SORT1: variants seen among roughly 807,000 people sequenced by gnomAD.
SORT1 encodes sortilin.
A neutral mutation model predicts 101.7 loss-of-function variants in SORT1; 39 were observed. The ratio of observed to expected loss-of-function variants is 0.38; its 90% CI spans 0.30 to 0.50. The LOEUF (loss-of-function observed/expected upper bound fraction) is 0.50, where lower values mean the gene tolerates loss of function less well. Ranked by LOEUF, SORT1 falls within the 20% of genes least tolerant of loss-of-function variation. The probability of loss-of-function intolerance (pLI) is 0.90; values close to 1 mark genes in which losing one functional copy is unlikely to be tolerated. For missense variants in SORT1, 878 were observed against 1,040.4 expected, an observed-to-expected ratio of 0.84 and a Z score of 2.15; for synonymous variants, 396 against 393.7, an observed-to-expected ratio of 1.01 and a Z score of -0.07.
chr1:109,395,483 A>G (rs566628462), intron 1 of SORT1, among the ~76,000 whole-genome samples: 2 of 152,182 alleles, frequency 1.3e-5, no homozygotes, highest in South Asian at 4.2e-4. Flanking sequence ...GGCCTCCCAC[A>G]TTGATAAGAT....
At chr1:109,342,671 TTCTC>T (rs1438865567) in intron 8 of SORT1, among the ~76,000 whole-genome samples, 1 of 152,156 alleles carries the variant, frequency 6.6e-6, no homozygotes, top group Non-Finnish European at 1.5e-5. Context: ...GTAACACGCC[TTCTC>T]TCTAAGGAAG....
Position 109,367,414 on chromosome 1 carries a change from T to C in SORT1, c.434A>G (p.Tyr145Cys). 1 of 1,580,438 alleles carries C rather than the reference T, an allele frequency of 6.3e-7. No individual in the cohort carries two copies. Among genetic ancestry groups the C allele is most frequent in the Non-Finnish European group, 8.7e-7 (1 of 1,152,262 alleles). ...VIMTFGQSKL[Y>C]RSEDYGKNFK... ...CGCGTGTTATTGATCTCACCTTCGA[T>C]ATAGCTTGGACTGTCCAAAAGTCAT... The change falls in exon 3 of 20, where the codon TAT (tyrosine) becomes TGT (cysteine). Residue 145 changes from tyrosine (Y) to cysteine (C), a missense_variant. Tyr to Cys is a radical substitution (Grantham distance 194). Transcript: ENST00000256637.
At chr1:109,358,480 C>T (rs1254878856) in intron 3 of SORT1, among the ~76,000 whole-genome samples, 1 of 152,092 alleles carries the variant, frequency 6.6e-6, no homozygotes, top group Non-Finnish European at 1.5e-5. Context: ...TTTCAAATTC[C>T]ATATGATAAT....
At chr1:109,347,625 A>G (rs1251204421) in intron 6 of SORT1, 93 bp from the exon 7 acceptor site, 2 of 853,494 alleles carry the variant, frequency 2.3e-6, no homozygotes, top group Non-Finnish European at 3.9e-6. Flanking sequence ...AGGTCTAACA[A>G]GCTTCATTCA....
chr1:109,317,023 T>C, intron 16 of SORT1, 65 bp from the exon 17 acceptor site: 1 of 1,056,818 alleles, frequency 9.5e-7, no homozygotes, highest in East Asian at 2.5e-5. Flanking sequence ...TGCCTATTTC[T>C]TGGAAACAAG....
In SORT1 at chr1:109,316,922, C is replaced by A. The variant is rs1647258489; in HGVS notation, c.2178G>T (p.Gly726=). Residue 726 remains glycine, a synonymous_variant, in exon 17 of 20, where the codon GGG becomes GGT. Transcript: ENST00000256637. The part of the protein sequence containing the change: ...RKIPGDKCQG[G]VNPVREVKDL... ...CTTTTACTTCTCGAACTGGATTTAC[C>A]CCACCCTGGCATTTGTCCCCTGGAA... 1 of 1,610,248 alleles carries A rather than the reference C, an allele frequency of 6.2e-7. No individual in the cohort carries two copies.
chr1:109,361,469 C>T (rs1650716696), intron 3 of SORT1, among the ~76,000 whole-genome samples: 1 of 152,206 alleles, frequency 6.6e-6, no homozygotes, highest in Non-Finnish European at 1.5e-5. Flanking sequence ...TTTTTCTCTA[C>T]AGCCCTCCTC....
At chr1:109,349,032 A>G (rs933305711) in intron 6 of SORT1, among the ~76,000 whole-genome samples, 3 of 152,188 alleles carry the variant, frequency 2.0e-5, no homozygotes, top group Admixed American at 6.5e-5. Context: ...GGAGTGAAAC[A>G]ATTTAACTTA....
chr1:109,326,112 G>A (rs1198234621), intron 13 of SORT1, among the ~76,000 whole-genome samples: 1 of 149,054 alleles, frequency 6.7e-6, no homozygotes, highest in East Asian at 2.0e-4. Context: ...GAGTGCAGTG[G>A]TACGATCTCA....
intron 11 of SORT1, among the ~76,000 whole-genome samples, chr1:109,331,095 G>A (rs1648427590): frequency 6.6e-6 from 1 of 152,108 alleles, no homozygotes; most frequent in Admixed American, 6.5e-5. Flanking sequence ...TGAAGAGAAT[G>A]GAACACTTCC....
chr1:109,314,881 C>T (rs1215883253), intron 17 of SORT1, 103 bp from the exon 18 acceptor site: 27 of 648,920 alleles, frequency 4.2e-5, no homozygotes, highest in South Asian at 1.9e-4. Flanking sequence ...GAATGATCTG[C>T]AGTCCTGATG....
At chr1:109,352,449 G>C in intron 5 of SORT1, among the ~76,000 whole-genome samples, 1 of 152,202 alleles carries the variant, frequency 6.6e-6, no homozygotes, top group East Asian at 1.9e-4. Context: ...AAATGTAGCA[G>C]AGACTTAACA....
Position 109,397,840 on chromosome 1 carries a change from A to G in SORT1, c.53T>C (p.Leu18Pro). 1.5e-6 allele frequency: 2 copies of G among 1,301,432 alleles called. No individual in the cohort carries two copies. The highest frequency in any genetic ancestry group is 9.9e-7 in the Non-Finnish European group (1 of 1,014,048). The allele number at this position is 1,301,432 out of a possible 1,614,324, so 80.6% of individuals were successfully genotyped here. A position where few individuals can be genotyped will look rare whatever the true frequency, so the allele number is the denominator to read the frequency against. Residue 18 changes from leucine (L) to proline (P), a missense_variant, in exon 1 of 20, where the codon CTC (leucine) becomes CCC (proline). Leu to Pro is a moderately conservative substitution (Grantham distance 98). This residue lies in a region of SORT1 where 194 missense variants were observed against 145.9 expected (regional missense o/e 1.33). Coordinates refer to ENST00000256637, the MANE Select transcript of SORT1 (RefSeq NM_002959.7). ...ADGLSRWPHG[L>P]GLLLLLQLLP... ...CAGCTGCAGGAGGAGGAGGAGGCCG[A>G]GGCCATGGGGCCAGCGCGAGAGGCC... is the stretch of plus-strand genomic sequence containing the variant.
Position 109,397,905 on chromosome 1 carries a change from C to T in SORT1, c.-13G>A. On this transcript the variant is annotated 5_prime_UTR_variant, in exon 1 of 20. Transcript: ENST00000256637. ...AGGGCCGCTCCATCGCCGCCGAATGCCGCCGACGCCGACACCTGCCGCCCG... is the reference window on the plus strand; with the variant it reads ...AGGGCCGCTCCATCGCCGCCGAATGTCGCCGACGCCGACACCTGCCGCCCG... 1.7e-6 allele frequency: 2 copies of T among 1,147,506 alleles called. No homozygotes were observed. Among genetic ancestry groups the T allele is most frequent in the Non-Finnish European group, 1.1e-6 (1 of 935,948 alleles). The allele number at this position is 1,147,506 out of a possible 1,614,324, so 71.1% of individuals were successfully genotyped here.
chr1:109,327,222 CAG>C, intron 12 of SORT1, 62 bp from the exon 13 acceptor site: 1 of 1,307,430 alleles, frequency 7.6e-7, no homozygotes, highest in Non-Finnish European at 1.1e-6. Flanking sequence ...GCATTTACTC[CAG>C]AGAGAATAAT....
intron 3 of SORT1, among the ~76,000 whole-genome samples, chr1:109,356,076 T>G (rs1650302182): frequency 6.6e-6 from 1 of 152,188 alleles, no homozygotes; most frequent in African/African-American, 2.4e-5. Flanking sequence ...TTCACCACAT[T>G]GCTCAGGCTG....
chr1:109,351,564 C>T (rs903265624), intron 5 of SORT1, among the ~76,000 whole-genome samples: 6 of 152,160 alleles, frequency 3.9e-5, no homozygotes, highest in African/African-American at 1.4e-4. Context: ...AGCTAAAAGC[C>T]ATCAGGCATT....
At chr1:109,324,802 A>C in intron 14 of SORT1, 97 bp downstream of exon 14, 1 of 788,154 alleles carries the variant, frequency 1.3e-6, no homozygotes, top group Admixed American at 2.5e-5. Flanking sequence ...ATGCATATGC[A>C]TCTGCTGATT....
rs1649158711 is a variant in SORT1, at chr1:109,340,721, C to A, written c.1264+3G>T. 2.5e-6 allele frequency: 4 copies of A among 1,614,064 alleles called. No homozygotes were observed. The highest frequency in any genetic ancestry group is 3.4e-6 in the Non-Finnish European group (4 of 1,179,976). ...AGTACACCACTGCGATGCCGAGACT[C>A]ACCTTCGGAGAGCACGCTTGTTATG... is the stretch of plus-strand genomic sequence containing the variant. On this transcript the variant is annotated splice_donor_region_variant and intron_variant, in intron 10 of 19. Coordinates refer to ENST00000256637, the MANE Select transcript of SORT1 (RefSeq NM_002959.7).
Sources: allele counts gnomAD v4.1 joint callset (sites outside exome capture counted in the v4.1 genomes callset), GRCh38; gene constraint gnomAD v4.1.1; regional missense constraint gnomAD v4.1.1; transcripts MANE v1.5; gene names NCBI Gene and HGNC (gene_info 2026-07-23, HGNC 2026-07-21).